MRTFB: variants seen among roughly 807,000 people sequenced by gnomAD.
The protein encoded by MRTFB is myocardin related transcription factor B, also known as myocardin-related transcription factor B.
Under a neutral mutation model 104.2 loss-of-function variants are expected in MRTFB, and 29 were observed. That is an observed-to-expected ratio of 0.28 (90% CI 0.21 to 0.38). The LOEUF is 0.38. Among genes scored for constraint, MRTFB ranks in the 10% least tolerant of loss-of-function variants. The pLI is 1.00. For synonymous variants in MRTFB, 535 were observed against 519.5 expected, an observed-to-expected ratio of 1.03 and a Z score of -0.41; for missense variants, 1,270 against 1,341.6, an observed-to-expected ratio of 0.95 and a Z score of 0.83.
At chr16:14,219,079 C>G in intron 8 of MRTFB, 81 bp downstream of exon 8, 1 of 1,291,976 alleles carries the variant, frequency 7.7e-7, no homozygotes, top group African/African-American at 1.6e-5. Context: ...ACACTTTGAC[C>G]AGAAGAAAAT....
At chr16:14,257,866 A>G (rs929532928) in intron 15 of MRTFB, among the ~76,000 whole-genome samples, 1 of 152,222 alleles carries the variant, frequency 6.6e-6, no homozygotes, top group African/African-American at 2.4e-5. Context: ...ATAGAAAAAA[A>G]GGGAAGCATA....
the MRTFB span, among the ~76,000 whole-genome samples, chr16:14,036,196 TATATA>T: frequency 2.5e-4 from 31 of 125,810 alleles, no homozygotes; most frequent in African/African-American, 3.3e-4. Flanking sequence ...AAATACATTA[TATATA>T]ATATATTATA....
chr16:14,070,994 G>T (rs560444837), upstream of MRTFB, among the ~76,000 whole-genome samples: 15 of 152,336 alleles, frequency 9.8e-5, no homozygotes, highest in African/African-American at 3.4e-4. Context: ...CACTCAGGAC[G>T]GGTGGCAGCG....
chr16:14,154,042 T>C (rs1169832267), intron 3 of MRTFB, among the ~76,000 whole-genome samples: 1 of 152,202 alleles, frequency 6.6e-6, no homozygotes, highest in Non-Finnish European at 1.5e-5. Context: ...ATATTTAAAG[T>C]GAGTTTCTGG....
chr16:14,123,443 G>C lies in MRTFB; in HGVS notation c.-63-17101G>C, dbSNP rs867475959. Among the ~76,000 whole-genome samples the C allele has an allele frequency of 9.9e-5, 15 of 152,122 alleles. No individual in the cohort carries two copies. In the South Asian group the frequency reaches 3.1e-3, roughly 32 times the overall value. On this transcript the variant is annotated intron_variant, in intron 2 of 16. Coordinates refer to ENST00000571589, the MANE Select transcript of MRTFB (RefSeq NM_001308142.2). ...TACATTTAAGTCTTTAATCTATCTT[G>C]AGTTAATTTTTGTATAAGATGTAAG... is the stretch of plus-strand genomic sequence containing the variant.
At position 14,177,221 on chromosome 16, in the gene MRTFB, T is replaced by G. The variant is rs1431399013; in HGVS notation, c.155-33022T>G. On this transcript the variant is annotated intron_variant, in intron 3 of 16. Transcript: ENST00000571589. This position sits in a 1 kb window ranked among gnomAD's most constrained non-coding sequence, Gnocchi z 4.7. ...GAATGCCAGGCTAACAAAGGTGGACTGACTTAAGGAGATAGAGGAGAGGCA... is the reference window on the plus strand; with the variant it reads ...GAATGCCAGGCTAACAAAGGTGGACGGACTTAAGGAGATAGAGGAGAGGCA... 6.6e-6 allele frequency among the ~76,000 whole-genome samples: 1 copy of G among 152,202 alleles called. No individual in the cohort carries two copies. The highest frequency in any genetic ancestry group is 1.9e-4 in the East Asian group (1 of 5,194).
chr16:14,234,134 CT>C lies in MRTFB; in HGVS notation c.694-8del. ...ATTTCACAGACTTGTTCCTTTTTGCCTTTTCCACCAGTTTGCTTCAGTGTCC... is the reference window on the plus strand; with the variant it reads ...ATTTCACAGACTTGTTCCTTTTTGCCTTTCCACCAGTTTGCTTCAGTGTCC... On this transcript the variant is annotated splice_polypyrimidine_tract_variant and intron_variant, in intron 8 of 16. Coordinates refer to ENST00000571589, the MANE Select transcript of MRTFB (RefSeq NM_001308142.2). The C allele has an allele frequency of 6.2e-7, 1 of 1,603,266 alleles. No individual in the cohort carries two copies. The highest frequency in any genetic ancestry group is 8.5e-7 in the Non-Finnish European group (1 of 1,175,542).
chr16:14,169,938 TC>T (rs780497771), intron 3 of MRTFB, among the ~76,000 whole-genome samples: 3 of 152,198 alleles, frequency 2.0e-5, no homozygotes, highest in South Asian at 2.1e-4. Flanking sequence ...TGGCCTTTTT[TC>T]ATCATAGATA....
At chr16:14,070,024 G>A (rs963133354), upstream of MRTFB, among the ~76,000 whole-genome samples, 1 of 152,226 alleles carries the variant, frequency 6.6e-6, no homozygotes, top group Admixed American at 6.5e-5. Context: ...TCCGGGGAGA[G>A]TGGACAGGTT....
rs750976082 is a variant in MRTFB, at chr16:14,247,480, A to C, written c.2220A>C (p.Gln740His). Residue 740 changes from glutamine to histidine, a missense_variant, in exon 12 of 17, where the codon CAA becomes CAC. Physicochemically the swap from Gln to His is conservative, Grantham distance 24 (BLOSUM62 0). Transcript: ENST00000571589. ...AGGGCTCGAGTGTCACCTCAGTGCA[A>C]CTCCCTGTAGGCAGCCTCAAACTCC... ...SIQGSSVTSV[Q>H]LPVGSLKLQT... 24 of 1,572,962 alleles carry C rather than the reference A, an allele frequency of 1.5e-5. No individual in the cohort carries two copies. In the South Asian group the frequency reaches 2.2e-4, roughly 14 times the overall value.
intron 2 of MRTFB, among the ~76,000 whole-genome samples, chr16:14,129,810 A>T (rs1172403303): frequency 6.6e-6 from 1 of 151,976 alleles, no homozygotes; most frequent in Non-Finnish European, 1.5e-5. Context: ...AGTCATGCAT[A>T]TGTCTTCTTT....
intron 10 of MRTFB, among the ~76,000 whole-genome samples, chr16:14,242,348 C>T (rs2042810060): frequency 6.6e-6 from 1 of 152,054 alleles, no homozygotes; most frequent in African/African-American, 2.4e-5. Flanking sequence ...TAACCAAGCT[C>T]ACCCAAGAAT....
the MRTFB span, among the ~76,000 whole-genome samples, chr16:14,006,265 G>A: frequency 1.3e-4 from 20 of 152,138 alleles, no homozygotes; most frequent in Admixed American, 1.2e-3. Flanking sequence ...ACCACTTGAA[G>A]CCGGGAGGCG....
intron 3 of MRTFB, 50 bp downstream of exon 3, chr16:14,140,810 T>G (rs1320914356): frequency 2.5e-6 from 4 of 1,608,430 alleles, no homozygotes; most frequent in Admixed American, 3.3e-5. Context: ...TTTCCCCTCT[T>G]TGGGAGCCCA....
intron 3 of MRTFB, chr16:14,193,846 T>C (rs2040308106): frequency 6.6e-6 from 1 of 152,202 alleles, no homozygotes; most frequent in Non-Finnish European, 1.5e-5. Context: ...GGGTAGGCCT[T>C]GATTAGTATT....
chr16:14,012,458 C>T, the MRTFB span, among the ~76,000 whole-genome samples: 1,004 of 151,942 alleles, frequency 6.6e-3, 10 homozygotes, highest in African/African-American at 0.023. Context: ...GCCACCACGC[C>T]TGGCTAATTT....
the MRTFB span, among the ~76,000 whole-genome samples, chr16:14,012,198 G>A: frequency 6.6e-6 from 1 of 151,764 alleles, no homozygotes; most frequent in Non-Finnish European, 1.5e-5. Flanking sequence ...CTACAGGGCA[G>A]GCAACGACCT....
intron 3 of MRTFB, among the ~76,000 whole-genome samples, chr16:14,172,685 CAGAA>C (rs1386540277): frequency 3.9e-5 from 6 of 152,072 alleles, no homozygotes; most frequent in Non-Finnish European, 7.4e-5. Flanking sequence ...GAGGAATAAA[CAGAA>C]AGTGTTGTCA....
intron 3 of MRTFB, among the ~76,000 whole-genome samples, chr16:14,174,607 C>T (rs190925637): frequency 9.9e-5 from 15 of 152,192 alleles, no homozygotes; most frequent in South Asian, 8.3e-4. Flanking sequence ...CACTTGAGCC[C>T]GGGAGGCAGA....
Sources: allele counts gnomAD v4.1 joint callset (sites outside exome capture counted in the v4.1 genomes callset), GRCh38; gene constraint gnomAD v4.1.1; non-coding constraint Gnocchi (gnomAD v3.1); transcripts MANE v1.5; gene names NCBI Gene and HGNC (gene_info 2026-07-23, HGNC 2026-07-21).